RPGRIP1: variants seen among roughly 807,000 people sequenced by gnomAD.
RPGRIP1 encodes X-linked retinitis pigmentosa GTPase regulator-interacting protein 1.
RPGRIP1 carries 128 observed loss-of-function variants against 157.9 expected under a neutral mutation model. The ratio of observed to expected loss-of-function variants is 0.81; its 90% confidence interval spans 0.70 to 0.94. RPGRIP1 has a LOEUF of 0.94. RPGRIP1 is among the 40% of genes least tolerant of loss of function. The probability of loss-of-function intolerance (pLI) is 0.00; values close to 1 mark genes in which losing one functional copy is unlikely to be tolerated. For synonymous variants in RPGRIP1, 554 were observed against 571.6 expected (o/e 0.97, Z 0.44); for missense variants, 1,486 against 1,545.8 (o/e 0.96, Z 0.65).
At chr14:21,294,292 A>G (rs1225654627) in intron 2 of RPGRIP1, among the ~76,000 whole-genome samples, 1 of 150,006 alleles carries the variant, frequency 6.7e-6, no homozygotes, top group Non-Finnish European at 1.5e-5. Flanking sequence ...GTACAGTGGC[A>G]CGATCTCGGC....
At chr14:21,317,629 T>C (rs1040908056) in intron 10 of RPGRIP1, 67 bp from the exon 11 acceptor site, 30 of 1,552,264 alleles carry the variant, frequency 1.9e-5, no homozygotes, top group Non-Finnish European at 2.5e-5. Flanking sequence ...ATGCTGAAAC[T>C]GGATAATAAA....
At chr14:21,298,462 T>C (rs971681535) in intron 3 of RPGRIP1, among the ~76,000 whole-genome samples, 2 of 151,884 alleles carry the variant, frequency 1.3e-5, no homozygotes, top group Non-Finnish European at 2.9e-5. Context: ...ATTGCGCCAC[T>C]GCACTCCAGG....
intron 2 of RPGRIP1, among the ~76,000 whole-genome samples, chr14:21,294,250 A>T (rs898261287): frequency 6.7e-6 from 1 of 149,344 alleles, no homozygotes; most frequent in Non-Finnish European, 1.5e-5. Flanking sequence ...TTTTTTTCCA[A>T]GGCAGAGTCT....
chr14:21,327,905 A>C, intron 18 of RPGRIP1, 98 bp downstream of exon 18: 163 of 958,922 alleles, frequency 1.7e-4, no homozygotes, highest in Middle Eastern at 3.5e-4. Context: ...GCAGTGGCTC[A>C]CGCCTGTAAT....
chr14:21,308,119 A>G (rs1311002255), intron 7 of RPGRIP1, among the ~76,000 whole-genome samples: 2 of 152,228 alleles, frequency 1.3e-5, no homozygotes, highest in Non-Finnish European at 2.9e-5. Flanking sequence ...ACGGTCCCCT[A>G]CGAAGACCAC....
At position 21,351,164 on chromosome 14, in the gene RPGRIP1, C is replaced by T. The variant is rs1886245819; in HGVS notation, c.3809C>T (p.Ala1270Val). The stretch of plus-strand genomic sequence containing the variant: ...AGGCTGAAGGTTTCCCTTCAAGCAG[C>T]TGCTGTCCTCCATGCTATTTACAAG... Reference protein sequence around the residue: ...IGRLKVSLQAAAVLHAIYKEM... With the variant: ...IGRLKVSLQAVAVLHAIYKEM... Residue 1270 changes from alanine (A) to valine (V), a missense_variant, in exon 25 of 25, where the codon GCT (alanine) becomes GTT (valine). Transcript: ENST00000400017. 6.2e-7 allele frequency: 1 copy of T among 1,612,710 alleles called. No individual in the cohort carries two copies. Among genetic ancestry groups the T allele is most frequent in the Admixed American group, 1.7e-5 (1 of 59,896 alleles).
chr14:21,303,132 T>C (rs890521675), intron 5 of RPGRIP1, among the ~76,000 whole-genome samples, 199 bp from the exon 6 acceptor site: 7 of 152,130 alleles, frequency 4.6e-5, no homozygotes, highest in Non-Finnish European at 1.0e-4. Context: ...CCTCCCAAAG[T>C]GCTGGGATTA....
Position 21,328,615 on chromosome 14 carries a change from A to T in RPGRIP1, c.3087A>T (p.Gly1029=), listed in dbSNP as rs1228730477. ...ATCTTAGCCTTAACATCTTAAATGGAAATACACCAGAGGTAAGACCTTAAA... is the reference window on the plus strand; with the variant it reads ...ATCTTAGCCTTAACATCTTAAATGGTAATACACCAGAGGTAAGACCTTAAA... The part of the protein sequence containing the change: ...MEYLSLNILN[G]NTPEQVNYTE... Residue 1029 remains glycine, a synonymous_variant, in exon 19 of 25, where the codon GGA becomes GGT. Coordinates refer to ENST00000400017, the MANE Select transcript of RPGRIP1 (RefSeq NM_020366.4). 1 of 1,611,470 alleles carries T rather than the reference A, an allele frequency of 6.2e-7. No individual in the cohort carries two copies. Among genetic ancestry groups the T allele is most frequent in the Admixed American group, 1.7e-5 (1 of 59,990 alleles).
intron 2 of RPGRIP1, 124 bp from the exon 3 acceptor site, chr14:21,294,553 T>G: frequency 1.0e-6 from 1 of 973,710 alleles, no homozygotes. Context: ...TACTTCCTGA[T>G]TTCCTCATAA....
At chr14:21,307,487 T>C (rs1294560942) in intron 6 of RPGRIP1, among the ~76,000 whole-genome samples, 1 of 152,246 alleles carries the variant, frequency 6.6e-6, no homozygotes, top group Admixed American at 6.5e-5. Context: ...GTAGTTATTA[T>C]CTTTTCTCAT....
In RPGRIP1 at chr14:21,325,887, C is replaced by T; in HGVS notation, c.2424C>T (p.Cys808=). ...AGCTGTGGATTGAAATCACCAAGTGCTGTGGCCTCCGGAGTCGATGGCTGG... is the reference window on the plus strand; with the variant it reads ...AGCTGTGGATTGAAATCACCAAGTGTTGTGGCCTCCGGAGTCGATGGCTGG... The part of the protein sequence containing the change: ...QNELWIEITK[C]CGLRSRWLGT... Residue 808 remains cysteine (C), a synonymous_variant, in exon 17 of 25, where the codon TGC becomes TGT. Transcript: ENST00000400017. 1.2e-6 allele frequency: 2 copies of T among 1,613,958 alleles called. No homozygotes were observed. The highest frequency in any genetic ancestry group is 1.7e-6 in the Non-Finnish European group (2 of 1,179,864).
At chr14:21,305,583 G>A (rs1227546867) in intron 6 of RPGRIP1, among the ~76,000 whole-genome samples, 3 of 152,136 alleles carry the variant, frequency 2.0e-5, no homozygotes, top group Admixed American at 6.6e-5. Flanking sequence ...GATCCAGGCC[G>A]GGTGCGGTGG....
At chr14:21,302,343 A>T in intron 4 of RPGRIP1, 145 bp from the exon 5 acceptor site, 1 of 411,158 alleles carries the variant, frequency 2.4e-6, no homozygotes, top group East Asian at 3.6e-5. Flanking sequence ...GTAAAAAAAA[A>T]ACTGCTCCTC....
chr14:21,313,825 A>C (rs571471890), intron 10 of RPGRIP1, among the ~76,000 whole-genome samples: 6 of 151,848 alleles, frequency 4.0e-5, no homozygotes, highest in African/African-American at 1.2e-4. Flanking sequence ...AAGAAAAAGC[A>C]AGCTGAAAAT....
In RPGRIP1 at chr14:21,325,851, A is replaced by T. The variant is rs764645510; in HGVS notation, c.2388A>T (p.Glu796Asp). The change falls in exon 17 of 25, where the codon GAA becomes GAT. Residue 796 changes from glutamate to aspartate, a missense_variant. Physicochemically the swap from Glu to Asp is conservative, Grantham distance 45. Transcript: ENST00000400017. ...QEEEFRSESW[E>D]PQNELWIEIT... ...TCCAGTTCAGATCGGAGTCTTGGGA[A>T]CCTCAGAACGAGCTGTGGATTGAAA... 1.2e-6 allele frequency: 2 copies of T among 1,612,976 alleles called. No homozygotes were observed. The highest frequency in any genetic ancestry group is 3.3e-5 in the Admixed American group (2 of 60,002).
chr14:21,328,316 T>A lies in RPGRIP1; in HGVS notation c.2896-108T>A, dbSNP rs928448833. On this transcript the variant is annotated intron_variant, in intron 18 of 24. Coordinates refer to ENST00000400017, the MANE Select transcript of RPGRIP1 (RefSeq NM_020366.4). ...AGAGAGAGAAATAGCATTTCTCAGC[T>A]CCATGAGGAGAGAAATGAAGTCTAA... 1.8e-5 allele frequency: 14 copies of A among 777,526 alleles called. No homozygotes were observed. The African/African-American group carries it at 2.4e-4, about 14-fold the overall frequency. 48.2% of individuals were successfully genotyped at this position (777,526 alleles called of 1,614,324 possible). A position where few individuals can be genotyped will look rare whatever the true frequency, so the allele number is the denominator to read the frequency against.
chr14:21,333,503 T>A (rs981802864), intron 20 of RPGRIP1, among the ~76,000 whole-genome samples: 2 of 152,212 alleles, frequency 1.3e-5, no homozygotes, highest in Non-Finnish European at 2.9e-5. Context: ...AAAACAATTG[T>A]CATTTCTTTG....
intron 14 of RPGRIP1, 31 bp downstream of exon 14, chr14:21,322,035 C>T (rs770869345): frequency 1.5e-5 from 23 of 1,556,904 alleles, no homozygotes; most frequent in South Asian, 2.3e-5. Flanking sequence ...CTCCTCACTT[C>T]GGGACCCTTC....
intron 3 of RPGRIP1, among the ~76,000 whole-genome samples, chr14:21,296,064 T>C (rs1880760023): frequency 6.6e-6 from 1 of 151,498 alleles, no homozygotes; most frequent in East Asian, 1.9e-4. Context: ...GCCTCCCAAG[T>C]AGCTGTGACT....
Sources: allele counts gnomAD v4.1 joint callset (sites outside exome capture counted in the v4.1 genomes callset), GRCh38; gene constraint gnomAD v4.1.1; transcripts MANE v1.5; gene names NCBI Gene and HGNC (gene_info 2026-07-23, HGNC 2026-07-21).